ZSCAN25: variants seen among roughly 807,000 people sequenced by gnomAD.
ZSCAN25 encodes zinc finger and SCAN domain containing 25, also known as zinc finger and SCAN domain-containing protein 25.
Under a neutral mutation model 38.7 loss-of-function variants are expected in ZSCAN25, and 27 were observed. The ratio of observed to expected loss-of-function variants is 0.70; its 90% CI spans 0.51 to 0.96. ZSCAN25 has a LOEUF of 0.96. ZSCAN25 is among the 40% of genes least tolerant of loss of function. The probability of loss-of-function intolerance (pLI) is 0.00; values close to 1 mark genes in which losing one functional copy is unlikely to be tolerated. For missense variants in ZSCAN25, 637 were observed against 705.9 expected, an observed-to-expected ratio of 0.90 and a Z score of 1.11; for synonymous variants, 273 against 277.7, an observed-to-expected ratio of 0.98 and a Z score of 0.17.
chr7:99,713,393 C>T, the ZSCAN25 span: 1 of 1,599,458 alleles, frequency 6.3e-7, no homozygotes, highest in Non-Finnish European at 8.6e-7. Flanking sequence ...ACCTGGAATA[C>T]TTCCTGCACA....
the ZSCAN25 span, chr7:99,638,612 C>G: frequency 4.4e-6 from 7 of 1,583,502 alleles, no homozygotes; most frequent in Non-Finnish European, 6.1e-6. Context: ...TTGTAAGTCA[C>G]TGTCTCCACG....
chr7:99,727,560 A>G, the ZSCAN25 span, among the ~76,000 whole-genome samples: 1 of 152,170 alleles, frequency 6.6e-6, no homozygotes, highest in East Asian at 1.9e-4. Flanking sequence ...GATCCATCTG[A>G]CATTCACTCT....
At chr7:99,713,670 G>C in the ZSCAN25 span, 5 of 1,172,918 alleles carry the variant, frequency 4.3e-6, no homozygotes, top group Non-Finnish European at 6.2e-6. Context: ...TGTTGCCTGA[G>C]TCACCAGTGA....
In ZSCAN25 at chr7:99,619,826, G is replaced by C. The variant is rs1476203946; in HGVS notation, c.220G>C (p.Glu74Gln). 4 of 1,614,116 alleles carry C rather than the reference G, an allele frequency of 2.5e-6. No homozygotes were observed. Among genetic ancestry groups the C allele is most frequent in the Non-Finnish European group, 3.4e-6 (4 of 1,180,058 alleles). ...QELCRRWLRP[E>Q]LHTKEQILEL... ...GCTCTGTCGTCGGTGGCTGAGGCCC[G>C]AGTTGCACACCAAGGAGCAGATCCT... Residue 74 changes from glutamate (E) to glutamine (Q), a missense_variant, in exon 4 of 8, where the codon GAG becomes CAG. Coordinates refer to ENST00000394152, the MANE Select transcript of ZSCAN25 (RefSeq NM_145115.3).
At chr7:99,674,584 C>T in the ZSCAN25 span, 20 of 1,612,856 alleles carry the variant, frequency 1.2e-5, no homozygotes, top group African/African-American at 2.5e-4. Context: ...TTTCCAGAGA[C>T]CCTGGGAGAG....
At chr7:99,731,349 A>G in the ZSCAN25 span, among the ~76,000 whole-genome samples, 2 of 152,178 alleles carry the variant, frequency 1.3e-5, no homozygotes, top group Non-Finnish European at 2.9e-5. Context: ...AGACACCAAA[A>G]AGTTACAATG....
At chr7:99,668,419 G>A in the ZSCAN25 span, among the ~76,000 whole-genome samples, 1 of 152,212 alleles carries the variant, frequency 6.6e-6, no homozygotes, top group Non-Finnish European at 1.5e-5. Flanking sequence ...TGCAGTCCAG[G>A]ATGGCTTTGA....
the ZSCAN25 span, chr7:99,666,611 T>TA: frequency 3.1e-6 from 5 of 1,613,720 alleles, no homozygotes; most frequent in African/African-American, 6.7e-5. Flanking sequence ...TCTTTCAAGG[T>TA]GACAGGCTTG....
At chr7:99,671,462 A>C in the ZSCAN25 span, 1 of 224,386 alleles carries the variant, frequency 4.5e-6, no homozygotes, top group Non-Finnish European at 8.8e-6. Flanking sequence ...ATAGATTCAC[A>C]AAATATACTC....
the ZSCAN25 span, among the ~76,000 whole-genome samples, chr7:99,734,033 T>A: frequency 2.6e-5 from 4 of 152,194 alleles, no homozygotes; most frequent in Non-Finnish European, 5.9e-5. Flanking sequence ...ATAGCCCTCT[T>A]TTATCACTCA....
At chr7:99,641,548 G>A in the ZSCAN25 span, among the ~76,000 whole-genome samples, 1 of 152,088 alleles carries the variant, frequency 6.6e-6, no homozygotes. Context: ...TCTCCCTTGA[G>A]TTCTAACTCA....
At chr7:99,730,192 T>G in the ZSCAN25 span, among the ~76,000 whole-genome samples, 4 of 152,300 alleles carry the variant, frequency 2.6e-5, no homozygotes, top group South Asian at 8.3e-4. Flanking sequence ...AAGTCCCCAG[T>G]CCATGAGGCA....
chr7:99,729,021 T>C, the ZSCAN25 span, among the ~76,000 whole-genome samples: 6 of 152,292 alleles, frequency 3.9e-5, no homozygotes, highest in East Asian at 1.9e-4. Flanking sequence ...TCTAAACCAA[T>C]CTGGCCTGGT....
chr7:99,624,018 G>A, intron 6 of ZSCAN25, 39 bp from the exon 7 acceptor site: 1 of 1,613,732 alleles, frequency 6.2e-7, no homozygotes, highest in Non-Finnish European at 8.5e-7. Flanking sequence ...TCTGGCCTAG[G>A]ATTCTTTCTT....
chr7:99,715,256 A>G, the ZSCAN25 span: 5 of 178,128 alleles, frequency 2.8e-5, no homozygotes, highest in African/African-American at 1.2e-4. Flanking sequence ...CATGTTATTT[A>G]GCAAACAAGT....
Position 99,630,183 on chromosome 7 carries a change from T to G in ZSCAN25, c.*163T>G. ...GCTTACTTAGAGCTTCCAGAGAGCA[T>G]AGCTGCTTCCATCTCTTACCCAAGT... On this transcript the variant is annotated 3_prime_UTR_variant, in exon 8 of 8. Transcript: ENST00000394152. 1 of 1,402,626 alleles carries G rather than the reference T, an allele frequency of 7.1e-7. No homozygotes were observed. The highest frequency in any genetic ancestry group is 2.6e-5 in the East Asian group (1 of 38,348). 86.9% of individuals were successfully genotyped at this position (1,402,626 alleles called of 1,614,324 possible).
At chr7:99,676,960 G>C in the ZSCAN25 span, among the ~76,000 whole-genome samples, 1 of 152,156 alleles carries the variant, frequency 6.6e-6, no homozygotes, top group Admixed American at 6.5e-5. Context: ...TTGAATGATT[G>C]TGTGCAGAAG....
chr7:99,719,159 T>G, the ZSCAN25 span, among the ~76,000 whole-genome samples: 4 of 152,308 alleles, frequency 2.6e-5, no homozygotes, highest in East Asian at 3.9e-4. Flanking sequence ...CATTCTGAAT[T>G]TTTATGGAAA....
At chr7:99,672,788 A>G in the ZSCAN25 span, 1 of 1,559,558 alleles carries the variant, frequency 6.4e-7, no homozygotes, top group Non-Finnish European at 8.7e-7. Flanking sequence ...CCATACCCCT[A>G]GTTGTACGAC....
Sources: gnomAD v4.1 joint callset for allele counts (sites outside exome capture counted in the v4.1 genomes callset) on GRCh38, gnomAD v4.1.1 for gene constraint, MANE v1.5 for transcripts, NCBI Gene and HGNC (gene_info 2026-07-23, HGNC 2026-07-21) for gene names.